Variants in THSD7B observed in about 807,000 individuals in gnomAD.
The protein encoded by THSD7B is thrombospondin type-1 domain-containing protein 7B.
In THSD7B, 138 loss-of-function variants were observed where a neutral mutation model predicts 213.6. The observed-to-expected ratio is 0.65, with a 90% confidence interval of 0.56 to 0.74. The LOEUF (loss-of-function observed/expected upper bound fraction) is 0.74, where lower values mean the gene tolerates loss of function less well. THSD7B is among the 30% of genes least tolerant of loss of function. THSD7B has a pLI of 0.00. For synonymous variants in THSD7B, 742 were observed against 687.0 expected, an observed-to-expected ratio of 1.08 and a Z score of -1.25; for missense variants, 1,931 against 1,991.5, an observed-to-expected ratio of 0.97 and a Z score of 0.58.
intron 16 of THSD7B, among the ~76,000 whole-genome samples, chr2:137,571,060 T>A (rs909487999): frequency 1.3e-5 from 2 of 152,186 alleles, no homozygotes; most frequent in African/African-American, 4.8e-5. Flanking sequence ...CACAACTGTG[T>A]AACCAGCCCA....
rs886820542 is a variant in THSD7B at position 136,991,977 on chromosome 2, C to T, written c.140-64443C>T. ...CTGCCTTCTCCATTAGTCACTTTAC[C>T]GTAATAAAAATTACAGAGTCCCCTT... On this transcript the variant is annotated intron_variant, in intron 2 of 27. Transcript: ENST00000409968. Among the ~76,000 whole-genome samples, 7 of 152,080 alleles carry T rather than the reference C, an allele frequency of 4.6e-5. No individual in the cohort carries two copies. In the South Asian group the frequency reaches 6.2e-4, roughly 14 times the overall value.
intron 6 of THSD7B, among the ~76,000 whole-genome samples, chr2:137,161,173 A>G (rs185289680): frequency 6.6e-6 from 1 of 152,258 alleles, no homozygotes; most frequent in Admixed American, 6.5e-5. Context: ...TCTATGGTCT[A>G]GTTTTCTTTA....
chr2:137,148,093 A>G (rs1679740153), intron 5 of THSD7B, among the ~76,000 whole-genome samples: 2 of 152,106 alleles, frequency 1.3e-5, no homozygotes, highest in African/African-American at 4.8e-5. Context: ...GGTAGCAGGT[A>G]ATTGAACCAT....
intron 12 of THSD7B, among the ~76,000 whole-genome samples, chr2:137,310,619 A>G (rs538985165): frequency 8.1e-4 from 123 of 152,064 alleles, no homozygotes; most frequent in Admixed American, 1.8e-3. Flanking sequence ...GTTTTCTTCT[A>G]GGGTTTTTAT....
At chr2:137,672,575 GA>G (rs1378007254) in intron 27 of THSD7B, among the ~76,000 whole-genome samples, 2 of 152,140 alleles carry the variant, frequency 1.3e-5, no homozygotes, top group African/African-American at 4.8e-5. Context: ...AGCCGCCAAA[GA>G]AACCCAAATA....
chr2:137,373,722 T>G (rs964294211), intron 12 of THSD7B, among the ~76,000 whole-genome samples: 18 of 152,328 alleles, frequency 1.2e-4, no homozygotes, highest in African/African-American at 7.2e-5. Flanking sequence ...ATTTGTCAAT[T>G]TTGGCTTTTG....
intron 2 of THSD7B, among the ~76,000 whole-genome samples, chr2:136,954,747 G>GAGCTTTT (rs1685098314): frequency 1.4e-5 from 2 of 139,578 alleles, no homozygotes; most frequent in Admixed American, 1.4e-4. Flanking sequence ...AATTACATAA[G>GAGCTTTT]AGCTTTTATA....
intron 14 of THSD7B, among the ~76,000 whole-genome samples, chr2:137,436,004 C>T (rs1687282293): frequency 6.6e-6 from 1 of 152,122 alleles, no homozygotes; most frequent in African/African-American, 2.4e-5. Flanking sequence ...GCACATCCTC[C>T]TGTTATTTTT....
chr2:137,082,030 A>G (rs930084215), intron 3 of THSD7B, among the ~76,000 whole-genome samples: 1 of 152,118 alleles, frequency 6.6e-6, no homozygotes, highest in Admixed American at 6.6e-5. Flanking sequence ...ATTATCCATG[A>G]CTGCCACTTC....
chr2:136,802,531 A>G (rs1682202031), intron 1 of THSD7B, among the ~76,000 whole-genome samples: 1 of 151,088 alleles, frequency 6.6e-6, no homozygotes, highest in South Asian at 2.1e-4. Context: ...ATATTCAACA[A>G]TTGAAATGCT....
intron 2 of THSD7B, among the ~76,000 whole-genome samples, chr2:136,964,393 C>G (rs1348758571): frequency 6.6e-6 from 1 of 151,964 alleles, no homozygotes; most frequent in Non-Finnish European, 1.5e-5. Context: ...CCACTGCACT[C>G]CAGCCTGGAC....
chr2:136,786,738 G>A (rs550646889), intron 1 of THSD7B, among the ~76,000 whole-genome samples: 49 of 152,232 alleles, frequency 3.2e-4, no homozygotes, highest in Admixed American at 1.3e-3. Context: ...GTGCAGTTAC[G>A]TGTTTCCCCT....
intron 1 of THSD7B, among the ~76,000 whole-genome samples, chr2:136,866,053 G>A (rs1259613573): frequency 6.6e-5 from 10 of 152,192 alleles, no homozygotes; most frequent in Admixed American, 6.5e-4. Flanking sequence ...CTTGGATGGT[G>A]AGCATTGCCT....
intron 7 of THSD7B, among the ~76,000 whole-genome samples, chr2:137,203,083 G>A (rs914337247): frequency 5.3e-5 from 8 of 151,906 alleles, no homozygotes; most frequent in East Asian, 1.9e-4. Context: ...AGTTGTTCTC[G>A]GTGTGATTGT....
chr2:137,233,116 A>T lies in THSD7B; in HGVS notation c.2133A>T (p.Gly711=). The T allele has an allele frequency of 6.2e-7, 1 of 1,613,402 alleles. No individual in the cohort carries two copies. The highest frequency in any genetic ancestry group is 8.5e-7 in the Non-Finnish European group (1 of 1,179,582). Residue 711 remains glycine (G), a synonymous_variant, in exon 9 of 28, where the codon GGA becomes GGT. Transcript: ENST00000409968. The part of the protein sequence containing the change: ...RRVFCVKSHV[G]QVMTKRCPDS... ...TCTTCTGTGTCAAGAGTCACGTGGG[A>T]CAAGTAATGACCAAAAGGTATTTAT...
intron 2 of THSD7B, among the ~76,000 whole-genome samples, chr2:136,953,447 A>G (rs1369215871): frequency 6.6e-6 from 1 of 152,238 alleles, no homozygotes; most frequent in Non-Finnish European, 1.5e-5. Flanking sequence ...TGGGACTCAA[A>G]CAGAGAAATG....
intron 1 of THSD7B, among the ~76,000 whole-genome samples, chr2:136,878,758 G>A (rs1407326982): frequency 2.6e-5 from 4 of 152,086 alleles, no homozygotes; most frequent in Admixed American, 1.3e-4. Context: ...CTTGTTAATG[G>A]GGTTGTTTGT....
chr2:137,026,784 T>A (rs1258036520), intron 2 of THSD7B, among the ~76,000 whole-genome samples: 2 of 152,216 alleles, frequency 1.3e-5, no homozygotes, highest in Non-Finnish European at 2.9e-5. Flanking sequence ...AATTTTCTGA[T>A]AAGGATTTGT....
At chr2:136,983,776 T>G (rs1369483393) in intron 2 of THSD7B, among the ~76,000 whole-genome samples, 1 of 152,202 alleles carries the variant, frequency 6.6e-6, no homozygotes, top group Non-Finnish European at 1.5e-5. Flanking sequence ...CAGCATGGTA[T>G]ATACATGATG....
Sources: gnomAD v4.1 joint callset for allele counts (sites outside exome capture counted in the v4.1 genomes callset) on GRCh38, gnomAD v4.1.1 for gene constraint, MANE v1.5 for transcripts, NCBI Gene and HGNC (gene_info 2026-07-23, HGNC 2026-07-21) for gene names.